Variants in HHAT observed in about 807,000 individuals in gnomAD.
HHAT encodes the protein protein-cysteine N-palmitoyltransferase HHAT.
HHAT carries 47 observed loss-of-function variants against 70.8 expected under a neutral mutation model. That is an observed-to-expected ratio of 0.66 (90% CI 0.53 to 0.85). HHAT has a LOEUF of 0.85. Ranked by LOEUF, HHAT falls within the 40% of genes least tolerant of loss-of-function variation. The probability of loss-of-function intolerance (pLI) is 0.00; values close to 1 mark genes in which losing one functional copy is unlikely to be tolerated. For synonymous variants in HHAT, 228 were observed against 247.6 expected (o/e 0.92, Z 0.74); for missense variants, 609 against 604.8 (o/e 1.01, Z -0.07).
intron 7 of HHAT, among the ~76,000 whole-genome samples, chr1:210,430,714 T>C (rs1160542468): frequency 6.6e-6 from 1 of 151,924 alleles, no homozygotes; most frequent in Non-Finnish European, 1.5e-5. Flanking sequence ...GAGTGCTCTG[T>C]ATTCAAAAGC....
chr1:210,416,485 A>G (rs2092724175), intron 6 of HHAT, among the ~76,000 whole-genome samples: 1 of 152,206 alleles, frequency 6.6e-6, no homozygotes, highest in African/African-American at 2.4e-5. Flanking sequence ...ATATTTGTTT[A>G]GTGGTATAAG....
intron 11 of HHAT, among the ~76,000 whole-genome samples, chr1:210,664,746 C>T (rs1308607636): frequency 6.6e-6 from 1 of 152,208 alleles, no homozygotes; most frequent in Non-Finnish European, 1.5e-5. Context: ...CTCTGCAGAA[C>T]CACATGTGAC....
intron 1 of HHAT, among the ~76,000 whole-genome samples, chr1:210,343,911 ATGTT>A (rs527236424): frequency 9.7e-4 from 148 of 152,296 alleles, no homozygotes; most frequent in African/African-American, 3.4e-3. Flanking sequence ...GTAACTACTA[ATGTT>A]TGTTGAGTGC....
intron 9 of HHAT, among the ~76,000 whole-genome samples, chr1:210,553,255 C>G (rs1382364501): frequency 6.6e-6 from 1 of 152,178 alleles, no homozygotes; most frequent in Non-Finnish European, 1.5e-5. Flanking sequence ...GGACCCCAAG[C>G]TGAATTTTCA....
At chr1:210,561,678 A>G (rs980128908) in intron 9 of HHAT, among the ~76,000 whole-genome samples, 4 of 152,164 alleles carry the variant, frequency 2.6e-5, no homozygotes, top group Non-Finnish European at 5.9e-5. Flanking sequence ...ATAATTGTAT[A>G]TATTTATGGG....
intron 3 of HHAT, among the ~76,000 whole-genome samples, chr1:210,381,884 C>T (rs918222076): frequency 6.6e-6 from 1 of 152,154 alleles, no homozygotes; most frequent in Non-Finnish European, 1.5e-5. Flanking sequence ...TAGGGCGTCT[C>T]GGTGAGTGCC....
intron 8 of HHAT, among the ~76,000 whole-genome samples, chr1:210,497,744 C>T (rs1203800713): frequency 6.6e-6 from 1 of 151,326 alleles, no homozygotes; most frequent in Non-Finnish European, 1.5e-5. Context: ...GTTGCTGCTG[C>T]TGGAATGCTG....
chr1:210,537,762 C>CT (rs1424124552), intron 9 of HHAT, among the ~76,000 whole-genome samples: 23 of 152,252 alleles, frequency 1.5e-4, no homozygotes, highest in African/African-American at 4.6e-4. Context: ...TCGTTTTGTT[C>CT]TTTGAGTGTG....
chr1:210,607,217 T>C (rs1665643686), intron 10 of HHAT, among the ~76,000 whole-genome samples: 1 of 152,118 alleles, frequency 6.6e-6, no homozygotes, highest in Non-Finnish European at 1.5e-5. Context: ...ATCTAGTATT[T>C]GGGTATCTCA....
intron 6 of HHAT, among the ~76,000 whole-genome samples, chr1:210,412,865 C>G (rs2092605259): frequency 6.6e-6 from 1 of 152,312 alleles, no homozygotes; most frequent in South Asian, 2.1e-4. Context: ...TGTTAGAAAT[C>G]TAGGTGGAGG....
intron 7 of HHAT, among the ~76,000 whole-genome samples, chr1:210,450,073 C>T (rs1359416256): frequency 6.6e-6 from 1 of 152,144 alleles, no homozygotes; most frequent in Non-Finnish European, 1.5e-5. Flanking sequence ...GTGGTTGGAT[C>T]ACAAGGTCAG....
rs1439342182 is a variant in HHAT, at chr1:210,632,284, C to G, written c.1390+8614C>G. 2.0e-5 allele frequency among the ~76,000 whole-genome samples: 3 copies of G among 152,072 alleles called. No individual in the cohort carries two copies. In the East Asian group the frequency reaches 5.8e-4, roughly 29 times the overall value. ...GCAGCATCATTGTCTAGGGTAAATA[C>G]CCGAGGTTTGTCATCTCACAGCAAG... is the stretch of plus-strand genomic sequence containing the variant. On this transcript the variant is annotated intron_variant, in intron 11 of 11. Coordinates refer to ENST00000261458, the MANE Select transcript of HHAT (RefSeq NM_018194.6).
chr1:210,606,094 G>C (rs950977839), intron 10 of HHAT, among the ~76,000 whole-genome samples: 5 of 152,002 alleles, frequency 3.3e-5, no homozygotes, highest in African/African-American at 1.2e-4. Flanking sequence ...CTGACCTCAG[G>C]TCAGGTCCAT....
At chr1:210,387,133 A>G (rs572687633) in intron 3 of HHAT, among the ~76,000 whole-genome samples, 88 of 152,204 alleles carry the variant, frequency 5.8e-4, no homozygotes, top group African/African-American at 2.0e-3. Context: ...TGTTTTGCAA[A>G]ATGGAAATAA....
At chr1:210,635,578 G>C (rs755274679) in intron 11 of HHAT, among the ~76,000 whole-genome samples, 1 of 152,192 alleles carries the variant, frequency 6.6e-6, no homozygotes, top group Non-Finnish European at 1.5e-5. Context: ...GGACAGAAAA[G>C]ATGGAAGAAG....
intron 8 of HHAT, among the ~76,000 whole-genome samples, chr1:210,468,729 G>C (rs1471400468): frequency 6.6e-6 from 1 of 152,182 alleles, no homozygotes; most frequent in Non-Finnish European, 1.5e-5. Flanking sequence ...TTAACCACCA[G>C]TTGCAGGACA....
chr1:210,655,183 G>T (rs544404473), intron 11 of HHAT, among the ~76,000 whole-genome samples: 1 of 152,210 alleles, frequency 6.6e-6, no homozygotes, highest in Non-Finnish European at 1.5e-5. Flanking sequence ...ACCAGGAAGA[G>T]AATAAATAGC....
chr1:210,629,601 G>A (rs1489754781), intron 11 of HHAT, among the ~76,000 whole-genome samples: 1 of 152,164 alleles, frequency 6.6e-6, no homozygotes, highest in Non-Finnish European at 1.5e-5. Flanking sequence ...AGTCTCACTG[G>A]GCTAAAGTCA....
At chr1:210,621,023 C>G (rs1006688240) in intron 10 of HHAT, among the ~76,000 whole-genome samples, 4 of 152,012 alleles carry the variant, frequency 2.6e-5, no homozygotes, top group African/African-American at 9.7e-5. Flanking sequence ...GAGTCCTATG[C>G]CTCCAATACA....
Sources: allele counts gnomAD v4.1 joint callset (sites outside exome capture counted in the v4.1 genomes callset), GRCh38; gene constraint gnomAD v4.1.1; transcripts MANE v1.5; gene names NCBI Gene and HGNC (gene_info 2026-07-23, HGNC 2026-07-21).